DCAF8L2: variants seen among roughly 807,000 people sequenced by gnomAD.
DCAF8L2 encodes DDB1- and CUL4-associated factor 8-like protein 2.
For synonymous variants in DCAF8L2, 200 were observed against 190.9 expected, an observed-to-expected ratio of 1.05 and a Z score of -0.39; for missense variants, 430 against 490.7, an observed-to-expected ratio of 0.88 and a Z score of 1.17.
At chrX:27,509,384 G>A in the DCAF8L2 span, among the ~76,000 whole-genome samples, 2 of 111,821 alleles carry the variant, frequency 1.8e-5, no homozygotes, top group East Asian at 2.8e-4. Context: ...TAAAACTGCT[G>A]TCTGTTTAAA....
chrX:27,559,346 C>G, the DCAF8L2 span, among the ~76,000 whole-genome samples: 1 of 111,558 alleles, frequency 9.0e-6, no homozygotes, highest in Non-Finnish European at 1.9e-5. Flanking sequence ...TAGTTGAGGA[C>G]CTTTCAGGCA....
At chrX:27,745,308 A>G (rs975505538) in intron 4 of DCAF8L2, among the ~76,000 whole-genome samples, 1 of 112,195 alleles carries the variant, frequency 8.9e-6, no homozygotes, top group Admixed American at 9.5e-5. Context: ...TTGTGAATCA[A>G]TTACTTCCTT....
At chrX:27,581,207 A>C in the DCAF8L2 span, among the ~76,000 whole-genome samples, 3 of 111,952 alleles carry the variant, frequency 2.7e-5, no homozygotes, top group African/African-American at 9.7e-5. Context: ...CAGCAGCATT[A>C]ACTTGGGAAC....
intron 4 of DCAF8L2, among the ~76,000 whole-genome samples, chrX:27,743,657 AG>A (rs1041382331): frequency 3.7e-5 from 4 of 108,577 alleles, no homozygotes; most frequent in African/African-American, 1.3e-4. Flanking sequence ...AGCCTCCCAA[AG>A]TCCTGGGATT....
the DCAF8L2 span, chrX:27,519,390 G>GA: frequency 8.7e-7 from 1 of 1,143,988 alleles, no homozygotes; most frequent in East Asian, 3.0e-5. Flanking sequence ...ACCAGATGAA[G>GA]AATCAGGAGC....
chrX:27,575,483 C>T, the DCAF8L2 span, among the ~76,000 whole-genome samples: 1 of 111,293 alleles, frequency 9.0e-6, no homozygotes, highest in African/African-American at 3.3e-5. Flanking sequence ...CTACCCAGCA[C>T]TTCCCTGTCC....
At chrX:27,653,735 C>G (rs1214541119) in intron 2 of DCAF8L2, among the ~76,000 whole-genome samples, 1 of 105,707 alleles carries the variant, frequency 9.5e-6, no homozygotes, top group Non-Finnish European at 2.0e-5. Context: ...TACACACACA[C>G]ACACACACAC....
At chrX:27,533,875 A>G in the DCAF8L2 span, among the ~76,000 whole-genome samples, 1 of 112,085 alleles carries the variant, frequency 8.9e-6, no homozygotes, top group African/African-American at 3.2e-5. Context: ...CAATTGGCAA[A>G]ATTTGAATAA....
chrX:27,650,393 G>A (rs1166936797), intron 2 of DCAF8L2, among the ~76,000 whole-genome samples: 1 of 111,772 alleles, frequency 8.9e-6, no homozygotes, highest in African/African-American at 3.2e-5. Context: ...TGAGCCTTAT[G>A]GCCATTTAAA....
At chrX:27,506,081 A>G in the DCAF8L2 span, among the ~76,000 whole-genome samples, 1 of 112,471 alleles carries the variant, frequency 8.9e-6, no homozygotes, top group South Asian at 3.6e-4. Context: ...AGGAATATAT[A>G]GATTAGCATA....
the DCAF8L2 span, among the ~76,000 whole-genome samples, chrX:27,526,890 C>T: frequency 1.5e-4 from 17 of 112,380 alleles, no homozygotes; most frequent in Admixed American, 3.8e-4. Context: ...CTGGAAGCTT[C>T]GTCTCAGAGG....
At chrX:27,493,680 CAGACTGGGAGACTGAA>C in the DCAF8L2 span, among the ~76,000 whole-genome samples, 1 of 92,864 alleles carries the variant, frequency 1.1e-5, no homozygotes, top group Non-Finnish European at 2.0e-5. Flanking sequence ...CACTGCACTC[CAGACTGGGAGACTGAA>C]ACTCCATCTC....
the DCAF8L2 span, among the ~76,000 whole-genome samples, chrX:27,508,727 G>A: frequency 9.7e-6 from 1 of 103,320 alleles, no homozygotes; most frequent in Non-Finnish European, 2.0e-5. Context: ...GATTGGCACT[G>A]ACCACTTCAG....
At chrX:27,721,766 TG>T (rs1569192569) in intron 4 of DCAF8L2, among the ~76,000 whole-genome samples, 5 of 111,922 alleles carry the variant, frequency 4.5e-5, no homozygotes, top group Non-Finnish European at 9.4e-5. Flanking sequence ...TGCAGCCCTA[TG>T]TAAAAAATCT....
the DCAF8L2 span, among the ~76,000 whole-genome samples, chrX:27,526,941 G>A: frequency 8.9e-6 from 1 of 112,579 alleles, no homozygotes; most frequent in African/African-American, 3.2e-5. Flanking sequence ...CCCTACTGGG[G>A]GGTGCCTCCC....
the DCAF8L2 span, among the ~76,000 whole-genome samples, chrX:27,559,967 G>A: frequency 2.0e-4 from 5 of 25,013 alleles, no homozygotes; most frequent in Non-Finnish European, 2.7e-4. Flanking sequence ...CTCTTTCCAC[G>A]TTAAAAAAAA....
chrX:27,690,009 T>A (rs1930654634), intron 3 of DCAF8L2, among the ~76,000 whole-genome samples: 1 of 111,905 alleles, frequency 8.9e-6, no homozygotes, highest in Non-Finnish European at 1.9e-5. Flanking sequence ...ATATTCCATA[T>A]AATTATATAT....
the DCAF8L2 span, among the ~76,000 whole-genome samples, chrX:27,558,758 C>G: frequency 1.1e-5 from 1 of 93,385 alleles, no homozygotes; most frequent in Admixed American, 1.2e-4. Context: ...ATCCCTCCCC[C>G]CTCCCCCCAA....
At chrX:27,563,873 G>A in the DCAF8L2 span, among the ~76,000 whole-genome samples, 1 of 111,762 alleles carries the variant, frequency 8.9e-6, no homozygotes, top group Non-Finnish European at 1.9e-5. Flanking sequence ...GCAATAAGTA[G>A]ACATTTCATT....
Sources: gnomAD v4.1 joint callset for allele counts (sites outside exome capture counted in the v4.1 genomes callset) on GRCh38, gnomAD v4.1.1 for gene constraint, MANE v1.5 for transcripts, NCBI Gene and HGNC (gene_info 2026-07-23, HGNC 2026-07-21) for gene names.